The following DOCK10 variants were observed in gnomAD, a reference collection of about 807,000 sequenced individuals.
DOCK10 encodes the protein dedicator of cytokinesis protein 10.
DOCK10 carries 145 observed loss-of-function variants against 280.1 expected under a neutral mutation model. The observed-to-expected ratio is 0.52, with a 90% CI of 0.45 to 0.59. The LOEUF (loss-of-function observed/expected upper bound fraction) is 0.59. Among genes scored for constraint, DOCK10 ranks in the 20% least tolerant of loss-of-function variants. DOCK10 has a pLI of 0.00. For synonymous variants in DOCK10, 915 were observed against 942.2 expected, an observed-to-expected ratio of 0.97 and a Z score of 0.53; for missense variants, 2,368 against 2,651.7, an observed-to-expected ratio of 0.89 and a Z score of 2.35.
intron 1 of DOCK10, among the ~76,000 whole-genome samples, chr2:224,945,583 G>A (rs1158840456): frequency 2.0e-5 from 3 of 151,936 alleles, no homozygotes; most frequent in Non-Finnish European, 2.9e-5. Flanking sequence ...TCAAGTTACC[G>A]TCAACTAATT....
intron 1 of DOCK10, among the ~76,000 whole-genome samples, chr2:224,965,845 G>T (rs1329616171): frequency 6.6e-6 from 1 of 152,150 alleles, no homozygotes; most frequent in African/African-American, 2.4e-5. Flanking sequence ...GGAAGAGTCG[G>T]AAGGCATTAT....
At chr2:225,010,271 A>C (rs1469612123) in intron 1 of DOCK10, among the ~76,000 whole-genome samples, 1 of 152,120 alleles carries the variant, frequency 6.6e-6, no homozygotes, top group African/African-American at 2.4e-5. Flanking sequence ...TTAGTTTATT[A>C]GTGTCTCATG....
In DOCK10 at chr2:224,946,735, A is replaced by G. The variant is rs967192734; in HGVS notation, c.124-15067T>C. ...ACCCAAATGGAATCTTCTGTTCCAT[A>G]TAAGACTTCACCCAGCAGCCTCTGC... On this transcript the variant is annotated intron_variant, in intron 1 of 55. Coordinates refer to ENST00000258390, the MANE Select transcript of DOCK10 (RefSeq NM_014689.3). 468 of 727,836 alleles carry G rather than the reference A, an allele frequency of 6.4e-4. 3 individuals carry two copies. Among genetic ancestry groups the G allele is most frequent in the Middle Eastern group, 7.7e-4 (3 of 3,888 alleles). 45.1% of individuals were successfully genotyped at this position (727,836 alleles called of 1,614,324 possible).
intron 26 of DOCK10, among the ~76,000 whole-genome samples, 182 bp downstream of exon 26, chr2:224,833,968 A>G (rs898500226): frequency 2.0e-5 from 3 of 151,928 alleles, no homozygotes; most frequent in Non-Finnish European, 4.4e-5. Flanking sequence ...ACTTTTTTCT[A>G]TGTTGTCTCG....
rs183102839 is a variant in DOCK10, at chr2:224,904,513, G to A, written c.334-8136C>T. On this transcript the variant is annotated intron_variant, in intron 3 of 55. Coordinates refer to ENST00000258390, the MANE Select transcript of DOCK10 (RefSeq NM_014689.3). ...CATATAGCCCTGAGGTCACACTATA[G>A]GAGTTAGTTCTAGGATGAGAAACTC... 1.4e-3 allele frequency among the ~76,000 whole-genome samples: 208 copies of A among 152,210 alleles called. 2 individuals carry two copies. In the East Asian group the frequency reaches 0.034, roughly 25 times the overall value.
chr2:224,948,877 TTCTG>T (rs1703574143), intron 1 of DOCK10, among the ~76,000 whole-genome samples: 1 of 152,216 alleles, frequency 6.6e-6, no homozygotes, highest in Non-Finnish European at 1.5e-5. Flanking sequence ...TTAAGCGACT[TTCTG>T]TCTGTCTAAT....
At chr2:224,850,233 G>A (rs182607276) in intron 18 of DOCK10, among the ~76,000 whole-genome samples, 394 of 152,258 alleles carry the variant, frequency 2.6e-3, no homozygotes, top group African/African-American at 9.2e-3. Flanking sequence ...TCCTGAGTGT[G>A]TTCTTTTTGC....
intron 1 of DOCK10, among the ~76,000 whole-genome samples, chr2:225,003,810 A>G (rs28693742): frequency 6.6e-6 from 1 of 152,116 alleles, no homozygotes; most frequent in African/African-American, 2.4e-5. Flanking sequence ...GTGACTCCCA[A>G]GCTGCTTTGG....
chr2:224,868,682 A>T (rs1244908743), intron 11 of DOCK10, among the ~76,000 whole-genome samples: 1 of 152,222 alleles, frequency 6.6e-6, no homozygotes, highest in Non-Finnish European at 1.5e-5. Flanking sequence ...CCTTACTGTT[A>T]GAAAAAAGTT....
chr2:224,976,838 T>C (rs554330968), intron 1 of DOCK10, among the ~76,000 whole-genome samples: 3 of 152,280 alleles, frequency 2.0e-5, no homozygotes, highest in Admixed American at 1.3e-4. Flanking sequence ...TCTTCCTCCT[T>C]CTTTTGTTTT....
chr2:224,991,202 T>C (rs1157832116), intron 1 of DOCK10, among the ~76,000 whole-genome samples: 4 of 152,124 alleles, frequency 2.6e-5, no homozygotes, highest in Admixed American at 6.5e-5. Flanking sequence ...TGAGGCTGCA[T>C]ACATAGGGAA....
chr2:224,905,492 A>G (rs956187234), intron 3 of DOCK10, among the ~76,000 whole-genome samples: 2 of 146,688 alleles, frequency 1.4e-5, no homozygotes, highest in Non-Finnish European at 3.0e-5. Flanking sequence ...CTCATGATCC[A>G]CCCGCCTCGG....
At chr2:224,848,801 T>G (rs557104661) in intron 19 of DOCK10, among the ~76,000 whole-genome samples, 1 of 152,298 alleles carries the variant, frequency 6.6e-6, no homozygotes, top group East Asian at 1.9e-4. Flanking sequence ...TGGCTCAGGC[T>G]CTAGTTCTCT....
chr2:224,884,716 A>G (rs1020211018), intron 7 of DOCK10, among the ~76,000 whole-genome samples: 6 of 152,252 alleles, frequency 3.9e-5, no homozygotes, highest in Admixed American at 1.3e-4. Context: ...CTCTGGAATC[A>G]GTGGAATCCT....
At chr2:224,941,623 C>T (rs111284859) in intron 1 of DOCK10, among the ~76,000 whole-genome samples, 6,184 of 152,102 alleles carry the variant, frequency 0.041, 380 homozygotes, top group African/African-American at 0.14. Context: ...GTGGGTGGAT[C>T]ACCTGAGGTC....
chr2:225,008,381 A>G (rs558487995), intron 1 of DOCK10, among the ~76,000 whole-genome samples: 1 of 152,156 alleles, frequency 6.6e-6, no homozygotes, highest in Non-Finnish European at 1.5e-5. Context: ...TTTTCTTCTG[A>G]GGCAGTCTTA....
At chr2:224,768,051 T>C (rs940470722) in intron 55 of DOCK10, among the ~76,000 whole-genome samples, 1 of 151,936 alleles carries the variant, frequency 6.6e-6, no homozygotes, top group Non-Finnish European at 1.5e-5. Context: ...GTAGCTGGGA[T>C]TGTAGGAGTG....
At chr2:224,880,605 T>C (rs1698923521) in intron 7 of DOCK10, among the ~76,000 whole-genome samples, 1 of 152,172 alleles carries the variant, frequency 6.6e-6, no homozygotes, top group Admixed American at 6.5e-5. Flanking sequence ...AACCTTACCA[T>C]AGTATATTTA....
intron 1 of DOCK10, among the ~76,000 whole-genome samples, chr2:224,935,978 A>G (rs907673106): frequency 2.0e-5 from 3 of 152,204 alleles, no homozygotes; most frequent in Admixed American, 2.0e-4. Context: ...TAGTCACCCT[A>G]ATCCAAAGGT....
Sources: gnomAD v4.1 joint callset for allele counts (sites outside exome capture counted in the v4.1 genomes callset) on GRCh38, gnomAD v4.1.1 for gene constraint, MANE v1.5 for transcripts, NCBI Gene and HGNC (gene_info 2026-07-23, HGNC 2026-07-21) for gene names.